PCDH17: variants seen among roughly 807,000 people sequenced by gnomAD.
PCDH17 encodes the protein protocadherin-17.
In PCDH17, 21 loss-of-function variants were observed where a neutral mutation model predicts 67.7. The ratio of observed to expected loss-of-function variants is 0.31; its 90% CI spans 0.22 to 0.45. PCDH17 has a LOEUF of 0.45. Among genes scored for constraint, PCDH17 ranks in the 20% least tolerant of loss-of-function variants. PCDH17 has a pLI of 1.00. For missense variants in PCDH17, 1,471 were observed against 1,564.8 expected, an observed-to-expected ratio of 0.94 and a Z score of 1.01; for synonymous variants, 701 against 656.7, an observed-to-expected ratio of 1.07 and a Z score of -1.03.
At chr13:57,685,641 A>G (rs924700092) in intron 3 of PCDH17, among the ~76,000 whole-genome samples, 5 of 152,052 alleles carry the variant, frequency 3.3e-5, no homozygotes, top group Non-Finnish European at 5.9e-5. Context: ...AGTTGGTTGG[A>G]ATGAAAATTT....
At chr13:57,715,990 T>C (rs1028368159) in intron 3 of PCDH17, among the ~76,000 whole-genome samples, 15 of 151,976 alleles carry the variant, frequency 9.9e-5, no homozygotes, top group Non-Finnish European at 1.5e-4. Flanking sequence ...ATTAAGACTT[T>C]CTTTAGAAGA....
chr13:57,712,126 T>G (rs150838616), intron 3 of PCDH17, among the ~76,000 whole-genome samples: 6 of 151,862 alleles, frequency 4.0e-5, no homozygotes, highest in Non-Finnish European at 8.9e-5. Context: ...AAGAATGAGC[T>G]TTAAAATAAA....
intron 3 of PCDH17, among the ~76,000 whole-genome samples, chr13:57,673,514 C>T (rs1049438214): frequency 6.6e-6 from 1 of 151,946 alleles, no homozygotes; most frequent in African/African-American, 2.4e-5. Context: ...TAACCAAGAA[C>T]ATGAAGGTGA....
chr13:57,667,100 C>T (rs182065032), intron 3 of PCDH17, among the ~76,000 whole-genome samples: 1 of 152,084 alleles, frequency 6.6e-6, no homozygotes, highest in Non-Finnish European at 1.5e-5. Context: ...ATAGACATTT[C>T]CCACCCTTTC....
intron 3 of PCDH17, among the ~76,000 whole-genome samples, chr13:57,671,829 G>C (rs546728977): frequency 6.6e-6 from 1 of 152,128 alleles, no homozygotes; most frequent in East Asian, 1.9e-4. Flanking sequence ...TGCCAGAAGT[G>C]GCGGTGGGAT....
At chr13:57,681,659 A>G (rs976446082) in intron 3 of PCDH17, among the ~76,000 whole-genome samples, 2 of 151,760 alleles carry the variant, frequency 1.3e-5, no homozygotes, top group African/African-American at 4.8e-5. Context: ...TAATTTCTAT[A>G]TACTCCTAAA....
intron 1 of PCDH17, among the ~76,000 whole-genome samples, chr13:57,638,976 GA>G (rs1954858715): frequency 6.6e-6 from 1 of 151,950 alleles, no homozygotes; most frequent in Non-Finnish European, 1.5e-5. Context: ...CAAAGTGCGT[GA>G]ACAATTTATT....
chr13:57,676,048 GA>G (rs1044557803), intron 3 of PCDH17, among the ~76,000 whole-genome samples: 6 of 151,584 alleles, frequency 4.0e-5, no homozygotes, highest in Admixed American at 2.6e-4. Context: ...AATTCTAAAG[GA>G]AAAAAATGAC....
At chr13:57,686,149 G>T (rs773384101) in intron 3 of PCDH17, among the ~76,000 whole-genome samples, 73 of 151,884 alleles carry the variant, frequency 4.8e-4, no homozygotes, top group Middle Eastern at 3.4e-3. Flanking sequence ...ATAAATATTT[G>T]TTCATCAATT....
chr13:57,722,027 A>C (rs911649713), intron 3 of PCDH17, among the ~76,000 whole-genome samples: 5 of 152,162 alleles, frequency 3.3e-5, no homozygotes, highest in African/African-American at 4.8e-5. Context: ...AACTGCTGCC[A>C]TCAAAATTAT....
chr13:57,706,141 G>T (rs1955719215), intron 3 of PCDH17, among the ~76,000 whole-genome samples: 2 of 151,902 alleles, frequency 1.3e-5, no homozygotes, highest in South Asian at 2.1e-4. Flanking sequence ...CAAAAATAGT[G>T]ATTAATTTGT....
chr13:57,690,560 G>A (rs1566236897), intron 3 of PCDH17, among the ~76,000 whole-genome samples: 2 of 151,588 alleles, frequency 1.3e-5, no homozygotes, highest in East Asian at 3.9e-4. Context: ...ATATTCATGA[G>A]TCACTATAAC....
chr13:57,681,446 A>G (rs992015841), intron 3 of PCDH17, among the ~76,000 whole-genome samples: 1 of 151,688 alleles, frequency 6.6e-6, no homozygotes, highest in Non-Finnish European at 1.5e-5. Context: ...CTTGCTTAGC[A>G]TTTACTCCTG....
chr13:57,718,732 G>T (rs1955846045), intron 3 of PCDH17, among the ~76,000 whole-genome samples: 1 of 151,976 alleles, frequency 6.6e-6, no homozygotes, highest in Admixed American at 6.6e-5. Flanking sequence ...ACCATTTTCT[G>T]ATGAGATTTC....
At chr13:57,661,540 A>G (rs1955183778) in intron 1 of PCDH17, among the ~76,000 whole-genome samples, 1 of 152,286 alleles carries the variant, frequency 6.6e-6, no homozygotes, top group South Asian at 2.1e-4. Flanking sequence ...GCCCTTTCAC[A>G]AAGATTTTCT....
intron 1 of PCDH17, among the ~76,000 whole-genome samples, chr13:57,635,932 A>T (rs1954817723): frequency 6.6e-6 from 1 of 152,196 alleles, no homozygotes. Context: ...TGCGCTACTG[A>T]AAAAAGGAGG....
At position 57,725,055 on chromosome 13, in the gene PCDH17, C is replaced by A. The variant is rs772646137; in HGVS notation, c.3241C>A (p.Pro1081Thr). ...YLPTDSQYLSPSKQPRDPPFM... is the reference protein window; with the variant it reads ...YLPTDSQYLSTSKQPRDPPFM... ...GCCCACTGACAGTCAATATCTGTCACCTAGTAAGCAACCAAGAGACCCTCC... is the reference window on the plus strand; with the variant it reads ...GCCCACTGACAGTCAATATCTGTCAACTAGTAAGCAACCAAGAGACCCTCC... Residue 1081 changes from proline to threonine, a missense_variant, in exon 4 of 4, where the codon CCT (proline) becomes ACT (threonine). Transcript: ENST00000377918. The A allele has an allele frequency of 6.2e-7, 1 of 1,614,112 alleles. No individual in the cohort carries two copies. The highest frequency in any genetic ancestry group is 8.5e-7 in the Non-Finnish European group (1 of 1,179,970).
At chr13:57,642,235 C>T (rs1954915384) in intron 1 of PCDH17, among the ~76,000 whole-genome samples, 2 of 151,630 alleles carry the variant, frequency 1.3e-5, no homozygotes, top group African/African-American at 4.8e-5. Flanking sequence ...TAGTGGAACA[C>T]ATTAAAGGGA....
At chr13:57,699,412 C>A (rs1007306076) in intron 3 of PCDH17, among the ~76,000 whole-genome samples, 1 of 151,924 alleles carries the variant, frequency 6.6e-6, no homozygotes. Flanking sequence ...CTCAAGTGAG[C>A]GGCACCAGAA....
Sources: gnomAD v4.1 joint callset for allele counts (sites outside exome capture counted in the v4.1 genomes callset) on GRCh38, gnomAD v4.1.1 for gene constraint, MANE v1.5 for transcripts, NCBI Gene and HGNC (gene_info 2026-07-23, HGNC 2026-07-21) for gene names.